The following EPM2A variants were observed in gnomAD, a reference collection of about 807,000 sequenced individuals.
The protein encoded by EPM2A is laforin.
EPM2A carries 21 observed loss-of-function variants against 26.5 expected under a neutral mutation model. That is an observed-to-expected ratio of 0.79 (90% CI 0.56 to 1.14). EPM2A has a LOEUF of 1.14. Among genes scored for constraint, EPM2A ranks in the 50% most tolerant of loss-of-function variants. EPM2A has a pLI of 0.00. For synonymous variants in EPM2A, 217 were observed against 177.6 expected (o/e 1.22, Z -1.76); for missense variants, 458 against 440.8 (o/e 1.04, Z -0.35).
At chr6:145,593,149 G>A (rs1467742922) in intron 2 of EPM2A, among the ~76,000 whole-genome samples, 1 of 151,932 alleles carries the variant, frequency 6.6e-6, no homozygotes, top group Non-Finnish European at 1.5e-5. Context: ...AAGCTAAAGA[G>A]TATATATTAA....
chr6:145,388,130 G>A (rs1935151377), intron 4 of EPM2A, among the ~76,000 whole-genome samples: 1 of 152,164 alleles, frequency 6.6e-6, no homozygotes, highest in South Asian at 2.1e-4. Flanking sequence ...GATGGCAGGA[G>A]GTTCATGGTT....
chr6:145,677,872 A>C (rs761322176), intron 2 of EPM2A, among the ~76,000 whole-genome samples: 6 of 152,262 alleles, frequency 3.9e-5, no homozygotes, highest in East Asian at 1.9e-4. Context: ...TTTATAGATT[A>C]AATGCCATCC....
At chr6:145,591,405 C>T (rs1379974439) in intron 2 of EPM2A, among the ~76,000 whole-genome samples, 1 of 152,042 alleles carries the variant, frequency 6.6e-6, no homozygotes, top group Non-Finnish European at 1.5e-5. Flanking sequence ...GTAGACAGAT[C>T]ATCTTCAACT....
Position 145,735,348 on chromosome 6 carries a change from C to T in EPM2A, c.151G>A (p.Ala51Thr). 4 of 1,335,956 alleles carry T rather than the reference C, an allele frequency of 3.0e-6. No individual in the cohort carries two copies. Among genetic ancestry groups the T allele is most frequent in the African/African-American group, 3.1e-5 (2 of 64,824 alleles). 82.8% of individuals were successfully genotyped at this position (1,335,956 alleles called of 1,614,324 possible). A position where few individuals can be genotyped will look rare whatever the true frequency, so the allele number is the denominator to read the frequency against. Residue 51 changes from alanine (A) to threonine (T), a missense_variant, in exon 1 of 4, where the codon GCC becomes ACC. Coordinates refer to ENST00000367519, the MANE Select transcript of EPM2A (RefSeq NM_005670.4). ...AGGCCCGGCTCCTGCAGGGCCAGGG[C>T]CCCGTCGCCCGCCGCGGTGCCGGCC... The part of the protein sequence containing the change: ...RPAGTAAGDG[A>T]LALQEPGLWL...
intron 2 of EPM2A, among the ~76,000 whole-genome samples, chr6:145,565,166 C>T (rs1010295585): frequency 6.6e-6 from 1 of 152,182 alleles, no homozygotes; most frequent in Non-Finnish European, 1.5e-5. Context: ...CATATTCAGA[C>T]TGACCATCCT....
At chr6:145,651,845 T>C (rs1358101458) in intron 2 of EPM2A, among the ~76,000 whole-genome samples, 1 of 152,168 alleles carries the variant, frequency 6.6e-6, no homozygotes, top group Non-Finnish European at 1.5e-5. Flanking sequence ...TGTTATTTTA[T>C]TAAACGGGTC....
intron 4 of EPM2A, among the ~76,000 whole-genome samples, chr6:145,407,033 T>C (rs1026394401): frequency 6.6e-6 from 1 of 152,148 alleles, no homozygotes; most frequent in Admixed American, 6.6e-5. Context: ...TGCAGGATCG[T>C]GCCTCGTGGT....
At chr6:145,580,134 T>C (rs952588540) in intron 2 of EPM2A, among the ~76,000 whole-genome samples, 10 of 152,190 alleles carry the variant, frequency 6.6e-5, no homozygotes, top group African/African-American at 2.2e-4. Flanking sequence ...ATTTTAAGCA[T>C]TTCTTGTTTC....
intron 2 of EPM2A, chr6:145,680,171 G>A (rs1583039564): frequency 2.0e-5 from 3 of 151,982 alleles, no homozygotes; most frequent in Admixed American, 6.6e-5. Flanking sequence ...GTGGGGGAAA[G>A]AAGAGGGAGA....
chr6:145,705,968 G>A (rs990708112), intron 1 of EPM2A: 1 of 456,220 alleles, frequency 2.2e-6, no homozygotes, highest in African/African-American at 2.0e-5. Context: ...TATGTGATGG[G>A]AATTCAAGCA....
At chr6:145,643,121 T>C (rs1386092294) in intron 2 of EPM2A, among the ~76,000 whole-genome samples, 1 of 152,170 alleles carries the variant, frequency 6.6e-6, no homozygotes, top group African/African-American at 2.4e-5. Context: ...CAACAGAACT[T>C]GCACATTAAT....
chr6:145,721,886 T>C (rs762850943), intron 1 of EPM2A: 1 of 152,228 alleles, frequency 6.6e-6, no homozygotes, highest in Admixed American at 6.5e-5. Context: ...CATAACATTG[T>C]AGCTGCTTTA....
chr6:145,638,171 TTGAG>T (rs1776835870), intron 2 of EPM2A: 1 of 152,346 alleles, frequency 6.6e-6, no homozygotes, highest in African/African-American at 2.4e-5. Flanking sequence ...ATTGCACTCT[TTGAG>T]TGGGTACTAG....
chr6:145,654,190 T>A (rs1469440631), intron 2 of EPM2A, among the ~76,000 whole-genome samples: 1 of 120,658 alleles, frequency 8.3e-6, no homozygotes. Context: ...ACATAGACTA[T>A]GCAATTTTTT....
At chr6:145,430,620 C>G (rs915062804) in intron 4 of EPM2A, among the ~76,000 whole-genome samples, 1 of 151,122 alleles carries the variant, frequency 6.6e-6, no homozygotes, top group Admixed American at 6.6e-5. Context: ...AAAAAAGAAC[C>G]ATTAATAGCA....
At position 145,626,013 on chromosome 6, in the gene EPM2A, C is replaced by T. The variant is rs1363948164; in HGVS notation, c.*1403G>A. 8 of 1,125,574 alleles carry T rather than the reference C, an allele frequency of 7.1e-6. No homozygotes were observed. The highest frequency in any genetic ancestry group is 1.6e-5 in the African/African-American group (1 of 64,072). The allele number at this position is 1,125,574 out of a possible 1,614,324, so 69.7% of individuals were successfully genotyped here. A position where few individuals can be genotyped will look rare whatever the true frequency, so the allele number is the denominator to read the frequency against. ...AGACAGTTGAGTTAACCCTTCTGAC[C>T]TTAGTTTCCCCATCTTTATCATGGA... On this transcript the variant is annotated 3_prime_UTR_variant, in exon 4 of 4. Coordinates refer to ENST00000367519, the MANE Select transcript of EPM2A (RefSeq NM_005670.4).
intron 1 of EPM2A, among the ~76,000 whole-genome samples, chr6:145,696,678 T>G (rs1171711307): frequency 6.6e-6 from 1 of 151,946 alleles, no homozygotes; most frequent in East Asian, 1.9e-4. Context: ...AAAATATATT[T>G]GATAAGGAAG....
chr6:145,726,695 T>C (rs560006450), intron 1 of EPM2A, among the ~76,000 whole-genome samples: 43 of 152,210 alleles, frequency 2.8e-4, no homozygotes, highest in Admixed American at 2.6e-3. Context: ...AAAATCCCAA[T>C]TGAGCAACTT....
intron 4 of EPM2A, among the ~76,000 whole-genome samples, chr6:145,411,303 A>C (rs1270017647): frequency 6.6e-6 from 1 of 152,220 alleles, no homozygotes; most frequent in African/African-American, 2.4e-5. Flanking sequence ...TTGAACTGAT[A>C]CATAAAAGGT....
Sources: gnomAD v4.1 joint callset for allele counts (sites outside exome capture counted in the v4.1 genomes callset) on GRCh38, gnomAD v4.1.1 for gene constraint, MANE v1.5 for transcripts, NCBI Gene and HGNC (gene_info 2026-07-23, HGNC 2026-07-21) for gene names.